HDAC9: variants seen among roughly 807,000 people sequenced by gnomAD.
HDAC9 encodes histone deacetylase 9, also known as MEF-2 interacting transcription repressor (MITR) protein.
In HDAC9, 41 loss-of-function variants were observed where a neutral mutation model predicts 139.4. The ratio of observed to expected loss-of-function variants is 0.29; its 90% CI spans 0.23 to 0.38. HDAC9 has a LOEUF of 0.38. HDAC9 is among the 10% of genes least tolerant of loss of function. The pLI, the probability that HDAC9 is intolerant of heterozygous loss-of-function variation, is 1.00. For synonymous variants in HDAC9, 517 were observed against 476.2 expected (o/e 1.09, Z -1.12); for missense variants, 1,147 against 1,297.0 (o/e 0.88, Z 1.78).
At chr7:18,428,786 CCA>C (rs1390667455) in intron 1 of HDAC9, among the ~76,000 whole-genome samples, 5 of 152,086 alleles carry the variant, frequency 3.3e-5, no homozygotes, top group Admixed American at 3.3e-4. Context: ...TTTCCAGGGC[CCA>C]CCAGAATCTG....
At chr7:18,294,514 G>A (rs569861697) in intron 1 of HDAC9, among the ~76,000 whole-genome samples, 4 of 152,232 alleles carry the variant, frequency 2.6e-5, no homozygotes, top group Non-Finnish European at 5.9e-5. Context: ...CAGGGAACTG[G>A]ATATGACAAA....
At chr7:18,653,988 G>A (rs1252664807) in intron 11 of HDAC9, among the ~76,000 whole-genome samples, 1 of 152,028 alleles carries the variant, frequency 6.6e-6, no homozygotes, top group African/African-American at 2.4e-5. Flanking sequence ...ATGCATGCCT[G>A]TGTGTGTGTT....
At chr7:18,195,819 A>G (rs1387447248) in intron 2 of HDAC9, among the ~76,000 whole-genome samples, 1 of 152,152 alleles carries the variant, frequency 6.6e-6, no homozygotes, top group Non-Finnish European at 1.5e-5. Flanking sequence ...GCCGTTATGT[A>G]TAAATGTTTC....
chr7:18,094,561 G>A (rs1236347805), intron 1 of HDAC9, among the ~76,000 whole-genome samples: 1 of 140,886 alleles, frequency 7.1e-6, no homozygotes. Flanking sequence ...CTCCCAAGTA[G>A]CTAGGACTCA....
At chr7:18,088,241 G>A (rs1013176089) in intron 1 of HDAC9, among the ~76,000 whole-genome samples, 1 of 152,168 alleles carries the variant, frequency 6.6e-6, no homozygotes, top group Non-Finnish European at 1.5e-5. Context: ...AAAGGGGTAA[G>A]AAAGGCTTAA....
chr7:18,959,433 A>T (rs1225888504), intron 24 of HDAC9, among the ~76,000 whole-genome samples: 1 of 152,182 alleles, frequency 6.6e-6, no homozygotes, highest in East Asian at 1.9e-4. Flanking sequence ...TAATAATCAT[A>T]ACCATAGCAT....
chr7:18,985,136 A>G (rs953792349), intron 25 of HDAC9, among the ~76,000 whole-genome samples: 1 of 152,060 alleles, frequency 6.6e-6, no homozygotes, highest in East Asian at 1.9e-4. Flanking sequence ...GGTTAGTTAC[A>G]TATGTATACA....
At chr7:18,668,062 C>T in intron 12 of HDAC9, 1 of 977,172 alleles carries the variant, frequency 1.0e-6, no homozygotes, top group Non-Finnish European at 1.2e-6. Context: ...CATTGTTCAA[C>T]TGTATGTTAT....
At chr7:18,708,779 A>T (rs1248316541) in intron 12 of HDAC9, among the ~76,000 whole-genome samples, 2 of 151,838 alleles carry the variant, frequency 1.3e-5, no homozygotes, top group East Asian at 1.9e-4. Flanking sequence ...GTCTCTATGG[A>T]CTCTCCCAGC....
At chr7:18,474,746 T>C (rs1794985852) in intron 1 of HDAC9, among the ~76,000 whole-genome samples, 1 of 151,600 alleles carries the variant, frequency 6.6e-6, no homozygotes, top group African/African-American at 2.4e-5. Flanking sequence ...ACAAAAACAG[T>C]GAAATTTAAA....
At chr7:18,989,305 T>A (rs1239347840) in intron 25 of HDAC9, among the ~76,000 whole-genome samples, 2 of 151,778 alleles carry the variant, frequency 1.3e-5, no homozygotes, top group African/African-American at 4.9e-5. Flanking sequence ...AAGTATTTAA[T>A]TTCTCCTTCA....
chr7:18,365,170 G>C (rs1389797767), intron 1 of HDAC9, among the ~76,000 whole-genome samples: 1 of 152,066 alleles, frequency 6.6e-6, no homozygotes, highest in Non-Finnish European at 1.5e-5. Context: ...GCTGTTTGCT[G>C]GGAGTAAGTA....
chr7:18,694,290 T>C (rs1446356904), intron 12 of HDAC9, among the ~76,000 whole-genome samples: 1 of 152,164 alleles, frequency 6.6e-6, no homozygotes, highest in Non-Finnish European at 1.5e-5. Context: ...AAGGGTTAAT[T>C]GTCACAAAGG....
At chr7:18,461,615 G>A (rs768091994) in intron 1 of HDAC9, among the ~76,000 whole-genome samples, 53 of 152,026 alleles carry the variant, frequency 3.5e-4, no homozygotes, top group Non-Finnish European at 6.5e-4. Context: ...AAGCAACTGC[G>A]TGTTAAAAAC....
At chr7:18,631,430 C>G (rs1168062040) in intron 7 of HDAC9, among the ~76,000 whole-genome samples, 1 of 152,012 alleles carries the variant, frequency 6.6e-6, no homozygotes, top group African/African-American at 2.4e-5. Context: ...CACCTGTACT[C>G]CTTCCCATTG....
intron 2 of HDAC9, among the ~76,000 whole-genome samples, chr7:18,513,329 A>T (rs377222517): frequency 1.3e-5 from 2 of 152,210 alleles, no homozygotes; most frequent in African/African-American, 4.8e-5. Flanking sequence ...ATAACTTGAG[A>T]CCAAATAAAA....
intron 17 of HDAC9, among the ~76,000 whole-genome samples, chr7:18,800,288 A>G (rs562324373): frequency 6.6e-6 from 1 of 152,304 alleles, no homozygotes. Context: ...GGTCTTGACT[A>G]TCTGATAGGA....
chr7:18,807,832 T>A lies in HDAC9; in HGVS notation c.2322+14380T>A, dbSNP rs531361765. Among the ~76,000 whole-genome samples the A allele has an allele frequency of 3.9e-5, 6 of 152,320 alleles. No individual in the cohort carries two copies. The East Asian group carries it at 9.6e-4, about 24-fold the overall frequency. On this transcript the variant is annotated intron_variant, in intron 17 of 25. Transcript: ENST00000686413. ...TTCATAAATCTGTTAAGACTTGTTTTGTGACCTAATGTGTAATCTGTCCTG... is the reference window on the plus strand; with the variant it reads ...TTCATAAATCTGTTAAGACTTGTTTAGTGACCTAATGTGTAATCTGTCCTG...
At chr7:18,540,542 T>C (rs1018962345) in intron 2 of HDAC9, among the ~76,000 whole-genome samples, 1 of 152,180 alleles carries the variant, frequency 6.6e-6, no homozygotes, top group Non-Finnish European at 1.5e-5. Context: ...TAAAAAGTTA[T>C]TGCATGAAGT....
Sources: allele counts gnomAD v4.1 joint callset (sites outside exome capture counted in the v4.1 genomes callset), GRCh38; gene constraint gnomAD v4.1.1; transcripts MANE v1.5; gene names NCBI Gene and HGNC (gene_info 2026-07-23, HGNC 2026-07-21).